Variants in CCDC102B observed in about 807,000 individuals in gnomAD.
CCDC102B encodes coiled-coil domain containing 102B.
In CCDC102B, 75 loss-of-function variants were observed where a neutral mutation model predicts 57.4. The observed-to-expected ratio is 1.31, with a 90% CI of 1.08 to 1.58. The LOEUF is 1.58. Among genes scored for constraint, CCDC102B ranks in the 40% most tolerant of loss-of-function variants. CCDC102B has a pLI of 0.00. For missense variants in CCDC102B, 636 were observed against 582.6 expected, an observed-to-expected ratio of 1.09 and a Z score of -0.94; for synonymous variants, 206 against 201.9, an observed-to-expected ratio of 1.02 and a Z score of -0.17.
chr18:68,897,456 C>T, intron 6 of CCDC102B, 28 bp downstream of exon 6: 2 of 1,602,844 alleles, frequency 1.2e-6, no homozygotes, highest in Non-Finnish European at 1.7e-6. Flanking sequence ...AGCAAATTCT[C>T]ACTGTCTAAT....
chr18:68,885,922 A>G (rs576596189), intron 5 of CCDC102B, among the ~76,000 whole-genome samples: 1 of 152,140 alleles, frequency 6.6e-6, no homozygotes, highest in Admixed American at 6.5e-5. Flanking sequence ...CTTCTATTGG[A>G]ATGTTCCAGA....
intron 7 of CCDC102B, among the ~76,000 whole-genome samples, chr18:69,044,176 G>A (rs1269287810): frequency 6.6e-6 from 1 of 152,136 alleles, no homozygotes; most frequent in African/African-American, 2.4e-5. Context: ...CATAAAGCAA[G>A]ACATCCTACT....
intron 6 of CCDC102B, among the ~76,000 whole-genome samples, chr18:68,950,487 T>A (rs1231163195): frequency 6.6e-6 from 1 of 152,126 alleles, no homozygotes; most frequent in Non-Finnish European, 1.5e-5. Context: ...GTAGACCCAA[T>A]TAAATCCTAG....
intron 2 of CCDC102B, among the ~76,000 whole-genome samples, chr18:68,720,519 A>G (rs1412453693): frequency 6.6e-6 from 1 of 152,192 alleles, no homozygotes; most frequent in African/African-American, 2.4e-5. Flanking sequence ...ATGCACATGA[A>G]CGTGGTTCCT....
At chr18:68,885,878 T>C (rs1048595027) in intron 5 of CCDC102B, among the ~76,000 whole-genome samples, 5 of 152,022 alleles carry the variant, frequency 3.3e-5, no homozygotes, top group African/African-American at 1.2e-4. Flanking sequence ...TCATATTATG[T>C]TCTGAGTTTG....
rs1190132371 is a variant in CCDC102B at position 68,836,824 on chromosome 18, T to G, written c.61T>G (p.Ser21Ala). Residue 21 changes from serine to alanine, a missense_variant, in exon 2 of 8, where the codon TCA becomes GCA. Transcript: ENST00000360242. ...AACACAGATCTTCCAGATGCAACAA[T>G]CATCAATTAAGTCACGCGGCGACAT... ...EETQIFQMQQSSIKSRGDMVA... is the reference protein window; with the variant it reads ...EETQIFQMQQASIKSRGDMVA... 3 of 1,613,878 alleles carry G rather than the reference T, an allele frequency of 1.9e-6. No individual in the cohort carries two copies. The East Asian group carries it at 6.7e-5, about 36-fold the overall frequency.
At chr18:69,053,325 T>A (rs543653936) in intron 7 of CCDC102B, among the ~76,000 whole-genome samples, 1 of 108,038 alleles carries the variant, frequency 9.3e-6, no homozygotes, top group Non-Finnish European at 2.2e-5. Flanking sequence ...ATATTTCACA[T>A]ATATATATAT....
chr18:69,043,358 C>G (rs985276440), intron 7 of CCDC102B, among the ~76,000 whole-genome samples: 1 of 152,074 alleles, frequency 6.6e-6, no homozygotes. Context: ...GTGCAAGAGG[C>G]ATGCCTTCCT....
intron 2 of CCDC102B, among the ~76,000 whole-genome samples, chr18:68,755,963 A>C (rs1870149747): frequency 6.6e-6 from 1 of 151,740 alleles, no homozygotes; most frequent in African/African-American, 2.4e-5. Flanking sequence ...AGAGCTATTC[A>C]ATCAACACTA....
chr18:69,037,857 C>T (rs73453758), intron 7 of CCDC102B, among the ~76,000 whole-genome samples: 4,956 of 151,972 alleles, frequency 0.033, 282 homozygotes, highest in African/African-American at 0.11. Flanking sequence ...GGACTTGTTA[C>T]GTGAGACTAA....
At chr18:68,732,318 C>T (rs7233962) in intron 2 of CCDC102B, among the ~76,000 whole-genome samples, 7,337 of 150,936 alleles carry the variant, frequency 0.049, 619 homozygotes, top group African/African-American at 0.17. Flanking sequence ...AAATGTGTAT[C>T]TGGCATTTCT....
chr18:68,940,836 T>C (rs1046859833), intron 6 of CCDC102B, among the ~76,000 whole-genome samples: 2 of 151,870 alleles, frequency 1.3e-5, no homozygotes, highest in Non-Finnish European at 3.0e-5. Context: ...TGGCATATAG[T>C]ATTCAATGAA....
intron 2 of CCDC102B, chr18:68,753,558 CT>C (rs2033941871): frequency 6.5e-6 from 1 of 152,772 alleles, no homozygotes; most frequent in Non-Finnish European, 1.5e-5. Context: ...TCTCTCTCCT[CT>C]CTCTCTCTTT....
chr18:68,911,005 A>G (rs1456415461), intron 6 of CCDC102B, among the ~76,000 whole-genome samples: 1 of 152,312 alleles, frequency 6.6e-6, no homozygotes, highest in South Asian at 2.1e-4. Context: ...AATGAGTTCA[A>G]CTGTTGTGGA....
chr18:68,822,326 G>C (rs774686370), intron 1 of CCDC102B, among the ~76,000 whole-genome samples: 1 of 151,712 alleles, frequency 6.6e-6, no homozygotes, highest in African/African-American at 2.4e-5. Flanking sequence ...CCTGGGAGGC[G>C]TAGGTTGCAG....
At chr18:68,983,199 T>C (rs893725557) in intron 6 of CCDC102B, among the ~76,000 whole-genome samples, 3 of 151,808 alleles carry the variant, frequency 2.0e-5, no homozygotes, top group African/African-American at 7.3e-5. Flanking sequence ...TGGGTGAGTA[T>C]ATGAGCTCTT....
chr18:69,012,183 T>C (rs1211296500), intron 7 of CCDC102B, among the ~76,000 whole-genome samples: 1 of 152,158 alleles, frequency 6.6e-6, no homozygotes, highest in East Asian at 1.9e-4. Context: ...GGGAATATAG[T>C]AGGAAGGCTC....
intron 6 of CCDC102B, among the ~76,000 whole-genome samples, chr18:68,999,272 G>A (rs2051135617): frequency 6.6e-6 from 1 of 151,828 alleles, no homozygotes; most frequent in Non-Finnish European, 1.5e-5. Context: ...GGTTGAGTGG[G>A]GCATGTAATC....
chr18:68,901,039 G>T, intron 6 of CCDC102B, among the ~76,000 whole-genome samples: 1 of 152,150 alleles, frequency 6.6e-6, no homozygotes, highest in East Asian at 1.9e-4. Flanking sequence ...GTGTAAAATA[G>T]CTTAATGATA....
Sources: gnomAD v4.1 joint callset for allele counts (sites outside exome capture counted in the v4.1 genomes callset) on GRCh38, gnomAD v4.1.1 for gene constraint, MANE v1.5 for transcripts, NCBI Gene and HGNC (gene_info 2026-07-23, HGNC 2026-07-21) for gene names.